Variants in UNC5D observed in about 807,000 individuals in gnomAD.
UNC5D encodes the protein unc-5 netrin receptor D, also known as netrin receptor UNC5D.
Under a neutral mutation model 105.4 loss-of-function variants are expected in UNC5D, and 39 were observed. That is an observed-to-expected ratio of 0.37 (90% CI 0.29 to 0.48). The LOEUF (loss-of-function observed/expected upper bound fraction) is 0.48, where lower values mean the gene tolerates loss of function less well. Ranked by LOEUF, UNC5D falls within the 20% of genes least tolerant of loss-of-function variation. The probability of loss-of-function intolerance (pLI) is 0.98; values close to 1 mark genes in which losing one functional copy is unlikely to be tolerated. For synonymous variants in UNC5D, 452 were observed against 450.4 expected, an observed-to-expected ratio of 1.00 and a Z score of -0.04; for missense variants, 991 against 1,202.4, an observed-to-expected ratio of 0.82 and a Z score of 2.60.
intron 1 of UNC5D, among the ~76,000 whole-genome samples, chr8:35,307,379 T>C (rs571752332): frequency 1.3e-5 from 2 of 152,164 alleles, no homozygotes; most frequent in African/African-American, 2.4e-5. Flanking sequence ...TGTTTTCTGA[T>C]CTAGATTTTG....
At chr8:35,319,917 G>T (rs1809596828) in intron 1 of UNC5D, among the ~76,000 whole-genome samples, 1 of 152,020 alleles carries the variant, frequency 6.6e-6, no homozygotes, top group Non-Finnish European at 1.5e-5. Flanking sequence ...TTGAGCCAAA[G>T]AATCACCTCT....
At chr8:35,721,519 A>G (rs1315299617) in intron 8 of UNC5D, 5 of 702,824 alleles carry the variant, frequency 7.1e-6, no homozygotes, top group South Asian at 3.0e-5. Context: ...CTCTTCCACA[A>G]TAAATTATTA....
intron 1 of UNC5D, among the ~76,000 whole-genome samples, chr8:35,265,742 C>A (rs183823565): frequency 6.6e-6 from 1 of 151,736 alleles, no homozygotes; most frequent in African/African-American, 2.4e-5. Flanking sequence ...TGGTGGCAGG[C>A]GCCTGTAGTC....
At chr8:35,711,490 T>G (rs561051157) in intron 8 of UNC5D, among the ~76,000 whole-genome samples, 3 of 152,208 alleles carry the variant, frequency 2.0e-5, no homozygotes, top group South Asian at 2.1e-4. Context: ...CAGCTTTCTT[T>G]TCTTTATTAC....
At chr8:35,685,049 C>G (rs1825916978) in intron 6 of UNC5D, among the ~76,000 whole-genome samples, 2 of 152,132 alleles carry the variant, frequency 1.3e-5, no homozygotes, top group Non-Finnish European at 2.9e-5. Context: ...CTAAGCCATC[C>G]CCTTCTCTCC....
intron 7 of UNC5D, among the ~76,000 whole-genome samples, chr8:35,691,585 A>G (rs956511290): frequency 1.3e-5 from 2 of 152,222 alleles, no homozygotes; most frequent in African/African-American, 4.8e-5. Context: ...AATTACAAGC[A>G]TAAACATGCA....
At chr8:35,374,492 C>G (rs910248533) in intron 1 of UNC5D, among the ~76,000 whole-genome samples, 5 of 152,148 alleles carry the variant, frequency 3.3e-5, no homozygotes, top group Admixed American at 2.6e-4. Flanking sequence ...GAAGAATAGA[C>G]TAAGTATGGT....
intron 4 of UNC5D, among the ~76,000 whole-genome samples, chr8:35,677,525 C>CA (rs1455630636): frequency 1.3e-5 from 2 of 151,998 alleles, no homozygotes; most frequent in Non-Finnish European, 2.9e-5. Context: ...CTTAGCTCAT[C>CA]AAAAATGTTT....
intron 4 of UNC5D, among the ~76,000 whole-genome samples, chr8:35,603,871 C>CT: frequency 6.6e-6 from 1 of 152,122 alleles, no homozygotes; most frequent in East Asian, 1.9e-4. Context: ...GCAACCCCTG[C>CT]CTTTTTTTGT....
intron 1 of UNC5D, among the ~76,000 whole-genome samples, chr8:35,332,671 C>G (rs557043844): frequency 6.6e-6 from 1 of 152,254 alleles, no homozygotes; most frequent in Admixed American, 6.5e-5. Flanking sequence ...ACACTTATGA[C>G]AGAGCAAAGT....
intron 13 of UNC5D, among the ~76,000 whole-genome samples, chr8:35,757,498 A>G (rs1297510091): frequency 1.3e-5 from 2 of 152,138 alleles, no homozygotes; most frequent in Non-Finnish European, 2.9e-5. Context: ...AGTAATGTCT[A>G]GACTCCTTTC....
chr8:35,743,759 C>T (rs1417240927), intron 11 of UNC5D, among the ~76,000 whole-genome samples: 1 of 151,960 alleles, frequency 6.6e-6, no homozygotes, highest in Non-Finnish European at 1.5e-5. Flanking sequence ...GTATAAAAGT[C>T]AATACATATA....
At chr8:35,641,375 A>G (rs1822716350) in intron 4 of UNC5D, among the ~76,000 whole-genome samples, 1 of 150,618 alleles carries the variant, frequency 6.6e-6, no homozygotes, top group African/African-American at 2.4e-5. Flanking sequence ...GCAAAAAAAA[A>G]AAAAAAAAAA....
Position 35,790,480 on chromosome 8 carries a change from A to G in UNC5D, c.2779A>G (p.Arg927Gly). Residue 927 changes from arginine to glycine, a missense_variant, in exon 17 of 17, where the codon AGG (arginine) becomes GGG (glycine). Transcript: ENST00000404895. ...SLACALEEIG[R>G]THTKLSNISE... is the part of the protein sequence containing the mutation. ...GGCCTGTGCCCTTGAAGAGATTGGG[A>G]GGACACACACGAAACTCTCAAACAT... 4 of 1,613,882 alleles carry G rather than the reference A, an allele frequency of 2.5e-6. No homozygotes were observed. Among genetic ancestry groups the G allele is most frequent in the Admixed American group, 1.7e-5 (1 of 59,978 alleles).
At chr8:35,364,438 T>C (rs374513397) in intron 1 of UNC5D, among the ~76,000 whole-genome samples, 33 of 152,304 alleles carry the variant, frequency 2.2e-4, no homozygotes, top group East Asian at 1.9e-3. Flanking sequence ...TTTCCTATTT[T>C]ATGATACCAC....
intron 4 of UNC5D, among the ~76,000 whole-genome samples, chr8:35,676,781 A>G (rs1825255336): frequency 6.6e-6 from 1 of 152,162 alleles, no homozygotes; most frequent in Admixed American, 6.5e-5. Context: ...TAGTGAAAGG[A>G]AATTAAATCC....
At chr8:35,506,692 A>G (rs1812324830) in intron 1 of UNC5D, among the ~76,000 whole-genome samples, 1 of 152,210 alleles carries the variant, frequency 6.6e-6, no homozygotes, top group Non-Finnish European at 1.5e-5. Flanking sequence ...GTTGGGACAT[A>G]TATCTAGGAG....
Position 35,759,341 on chromosome 8 carries a change from CA to C in UNC5D, c.2186del (p.His729LeufsTer97). The C allele has an allele frequency of 6.2e-7, 1 of 1,613,460 alleles. No homozygotes were observed. Among genetic ancestry groups the C allele is most frequent in the Non-Finnish European group, 8.5e-7 (1 of 1,179,814 alleles). ...ATAGGAAGTGGTTTCAGATGAAAGG[CA>C]TCAAGGTGGACAGCTCCTGGAAGAA... ...AFQEVVSDER[H>X]QGGQLLEEPK... is the part of the protein sequence containing the mutation. On this transcript the variant is annotated frameshift_variant, in exon 14 of 17. Transcript: ENST00000404895. LOFTEE classifies it high-confidence loss of function.
chr8:35,556,866 G>A (rs1488206183), intron 2 of UNC5D, among the ~76,000 whole-genome samples: 2 of 152,182 alleles, frequency 1.3e-5, no homozygotes, highest in African/African-American at 4.8e-5. Flanking sequence ...AGCCCTGCAA[G>A]TTCCAGCCTC....
Sources: gnomAD v4.1 joint callset for allele counts (sites outside exome capture counted in the v4.1 genomes callset) on GRCh38, gnomAD v4.1.1 for gene constraint, MANE v1.5 for transcripts, NCBI Gene and HGNC (gene_info 2026-07-23, HGNC 2026-07-21) for gene names.